AP4E1: variants seen among roughly 807,000 people sequenced by gnomAD.
AP4E1 encodes AP-4 complex subunit epsilon-1.
A neutral mutation model predicts 128.2 loss-of-function variants in AP4E1; 56 were observed. That is an observed-to-expected ratio of 0.44 (90% CI 0.35 to 0.55). The LOEUF is 0.55. AP4E1 is among the 20% of genes least tolerant of loss of function. The probability of loss-of-function intolerance (pLI) is 0.00; values close to 1 mark genes in which losing one functional copy is unlikely to be tolerated. For synonymous variants in AP4E1, 484 were observed against 473.1 expected (o/e 1.02, Z -0.30); for missense variants, 1,324 against 1,307.7 (o/e 1.01, Z -0.19).
At position 50,950,046 on chromosome 15, in the gene AP4E1, T is replaced by C; in HGVS notation, c.1430-5T>C. The C allele has an allele frequency of 1.2e-6, 2 of 1,607,780 alleles. No homozygotes were observed. The highest frequency in any genetic ancestry group is 1.7e-6 in the Non-Finnish European group (2 of 1,174,492). On this transcript the variant is annotated splice_polypyrimidine_tract_variant and splice_region_variant and intron_variant, in intron 12 of 20. Coordinates refer to ENST00000261842, the MANE Select transcript of AP4E1 (RefSeq NM_007347.5). ...AATTAAAATGGTGTATCAATTTCTT[T>C]GTAGGTTTTGATGATGAAACAGAAG...
intron 14 of AP4E1, among the ~76,000 whole-genome samples, chr15:50,960,827 A>G (rs1316380219): frequency 2.0e-5 from 3 of 152,048 alleles, no homozygotes; most frequent in African/African-American, 2.4e-5. Flanking sequence ...TACAAAAAAA[A>G]AAGAGACAAA....
At chr15:50,928,327 C>T (rs2063792126) in intron 5 of AP4E1, among the ~76,000 whole-genome samples, 1 of 151,996 alleles carries the variant, frequency 6.6e-6, no homozygotes, top group Admixed American at 6.6e-5. Context: ...CTTACTCTGT[C>T]ACCAGGTTGG....
intron 20 of AP4E1, among the ~76,000 whole-genome samples, 155 bp downstream of exon 20, chr15:51,001,338 AT>A (rs1394472772): frequency 1.3e-5 from 2 of 152,298 alleles, no homozygotes; most frequent in East Asian, 1.9e-4. Flanking sequence ...GTATTAAATA[AT>A]TTTTTATTGG....
rs2064989947 is a variant in AP4E1, at chr15:51,003,583, CTAAG to C, written c.*924_*927del. The C allele has an allele frequency of 6.6e-6, 1 of 152,554 alleles. No individual in the cohort carries two copies. The highest frequency in any genetic ancestry group is 2.4e-5 in the African/African-American group (1 of 41,444). 9.5% of individuals were successfully genotyped at this position (152,554 alleles called of 1,614,324 possible). A position where few individuals can be genotyped will look rare whatever the true frequency, so the allele number is the denominator to read the frequency against. On this transcript the variant is annotated 3_prime_UTR_variant, in exon 21 of 21. Transcript: ENST00000261842. ...TTAATGGATATAGCTGAAGCAGAGA[CTAAG>C]TATAACATACAGGTTCTTCAGTAAA... is the stretch of plus-strand genomic sequence containing the variant.
intron 16 of AP4E1, among the ~76,000 whole-genome samples, chr15:50,992,615 G>A (rs548242020): frequency 6.6e-6 from 1 of 152,226 alleles, no homozygotes; most frequent in African/African-American, 2.4e-5. Context: ...TAGGCTTTTT[G>A]GGTAGGACAC....
intron 14 of AP4E1, among the ~76,000 whole-genome samples, chr15:50,961,083 A>G (rs1000946096): frequency 5.9e-5 from 9 of 151,988 alleles, no homozygotes; most frequent in African/African-American, 2.2e-4. Flanking sequence ...GAAATAGAAA[A>G]CCTGAATGAA....
At chr15:50,991,897 T>TA (rs61036271) in intron 16 of AP4E1, among the ~76,000 whole-genome samples, 1 of 151,976 alleles carries the variant, frequency 6.6e-6, no homozygotes, top group African/African-American at 2.4e-5. Flanking sequence ...AATGATTTTT[T>TA]AAAAATGCCA....
At chr15:50,981,515 G>T (rs1238107884) in intron 15 of AP4E1, among the ~76,000 whole-genome samples, 1 of 152,188 alleles carries the variant, frequency 6.6e-6, no homozygotes, top group African/African-American at 2.4e-5. Flanking sequence ...ACCCATATCT[G>T]ATTTAGATGT....
chr15:50,981,640 T>G (rs915109752), intron 15 of AP4E1, among the ~76,000 whole-genome samples: 5 of 152,210 alleles, frequency 3.3e-5, no homozygotes, highest in Non-Finnish European at 7.3e-5. Flanking sequence ...CAGAATGCTA[T>G]GGTGTGAATG....
At chr15:50,938,807 C>G (rs1441818190) in intron 8 of AP4E1, among the ~76,000 whole-genome samples, 1 of 152,114 alleles carries the variant, frequency 6.6e-6, no homozygotes, top group African/African-American at 2.4e-5. Flanking sequence ...GATACTCCCT[C>G]CAACAATAAC....
chr15:50,990,168 C>T (rs1044528990), intron 16 of AP4E1, among the ~76,000 whole-genome samples: 3 of 151,870 alleles, frequency 2.0e-5, no homozygotes, highest in Non-Finnish European at 2.9e-5. Flanking sequence ...AATACAAGGG[C>T]ACACCGTAGA....
chr15:51,001,326 C>A (rs375889888), intron 20 of AP4E1, 143 bp downstream of exon 20: 2 of 773,586 alleles, frequency 2.6e-6, no homozygotes, highest in Non-Finnish European at 2.0e-6. Flanking sequence ...GTTTTTCAGA[C>A]TGTATTAAAT....
At chr15:50,953,229 T>C (rs1178946544) in intron 13 of AP4E1, among the ~76,000 whole-genome samples, 1 of 152,230 alleles carries the variant, frequency 6.6e-6, no homozygotes, top group Admixed American at 6.5e-5. Context: ...GATTATTGGT[T>C]TCTGTGGCCA....
chr15:50,930,946 G>A lies in AP4E1; in HGVS notation c.844G>A (p.Gly282Arg). The stretch of plus-strand genomic sequence containing the variant: ...ACAAATTCAGCTCTTGAGAATACTG[G>A]GACTTCTAGGAAAAGATGATCAAAG... ...WLQIQLLRIL[G>R]LLGKDDQRTS... Residue 282 changes from glycine to arginine, a missense_variant, in exon 7 of 21, where the codon GGA becomes AGA. Gly to Arg is a moderately radical substitution (Grantham distance 125, BLOSUM62 -2). Transcript: ENST00000261842. 6.2e-7 allele frequency: 1 copy of A among 1,613,960 alleles called. No individual in the cohort carries two copies. Among genetic ancestry groups the A allele is most frequent in the Non-Finnish European group, 8.5e-7 (1 of 1,179,996 alleles).
At chr15:50,968,421 A>C (rs746769025) in intron 15 of AP4E1, 44 bp downstream of exon 15, 44 of 1,326,962 alleles carry the variant, frequency 3.3e-5, no homozygotes, top group Non-Finnish European at 4.4e-5. Flanking sequence ...GTAGGGATGT[A>C]ATTTTTGATA....
chr15:50,963,576 GGAA>G (rs750842459), intron 14 of AP4E1, among the ~76,000 whole-genome samples: 1 of 152,098 alleles, frequency 6.6e-6, no homozygotes, highest in Non-Finnish European at 1.5e-5. Context: ...CGGGGGGCAG[GGAA>G]GAAGAATTGT....
chr15:50,938,266 C>A (rs1297183517), intron 8 of AP4E1, among the ~76,000 whole-genome samples: 19 of 152,064 alleles, frequency 1.2e-4, no homozygotes, highest in Admixed American at 1.2e-3. Context: ...CAAAAACACC[C>A]CCAGAAAAGC....
intron 8 of AP4E1, among the ~76,000 whole-genome samples, chr15:50,935,166 A>T (rs948748507): frequency 2.6e-5 from 4 of 152,148 alleles, no homozygotes; most frequent in African/African-American, 9.7e-5. Context: ...AACTAGATTG[A>T]TGGACAGGGA....
At chr15:50,950,467 T>TA (rs1392667349) in intron 13 of AP4E1, among the ~76,000 whole-genome samples, 5 of 152,194 alleles carry the variant, frequency 3.3e-5, no homozygotes, top group African/African-American at 1.2e-4. Context: ...TCTACTATAT[T>TA]AGTTTTCTTT....
Sources: gnomAD v4.1 joint callset for allele counts (sites outside exome capture counted in the v4.1 genomes callset) on GRCh38, gnomAD v4.1.1 for gene constraint, MANE v1.5 for transcripts, NCBI Gene and HGNC (gene_info 2026-07-23, HGNC 2026-07-21) for gene names.